The following GALNTL6 variants were observed in gnomAD, a reference collection of about 807,000 sequenced individuals.
GALNTL6 encodes the protein polypeptide N-acetylgalactosaminyltransferase-like 6.
GALNTL6 carries 46 observed loss-of-function variants against 73.7 expected under a neutral mutation model. The observed-to-expected ratio is 0.62, with a 90% CI of 0.49 to 0.80. GALNTL6 has a LOEUF of 0.80. Ranked by LOEUF, GALNTL6 falls within the 30% of genes least tolerant of loss-of-function variation. The pLI is 0.00. For missense variants in GALNTL6, 604 were observed against 755.0 expected (o/e 0.80, Z 2.34); for synonymous variants, 259 against 263.7 (o/e 0.98, Z 0.17).
intron 5 of GALNTL6, among the ~76,000 whole-genome samples, chr4:172,387,965 A>G (rs527653625): frequency 6.6e-6 from 1 of 152,134 alleles, no homozygotes; most frequent in South Asian, 2.1e-4. Flanking sequence ...CCACTCCACA[A>G]TCTAATACAA....
intron 8 of GALNTL6, among the ~76,000 whole-genome samples, chr4:172,895,930 G>A (rs970663471): frequency 2.6e-4 from 40 of 151,962 alleles, no homozygotes; most frequent in African/African-American, 9.4e-4. Flanking sequence ...TTCATTTCAT[G>A]CATTGTATTT....
intron 9 of GALNTL6, among the ~76,000 whole-genome samples, chr4:172,931,583 G>A (rs1347000700): frequency 6.6e-6 from 1 of 152,150 alleles, no homozygotes; most frequent in Non-Finnish European, 1.5e-5. Flanking sequence ...TCACATGAAT[G>A]CCAAATAGCA....
chr4:171,887,859 A>G (rs1052567523), intron 2 of GALNTL6, among the ~76,000 whole-genome samples: 1 of 152,180 alleles, frequency 6.6e-6, no homozygotes, highest in Non-Finnish European at 1.5e-5. Flanking sequence ...ATTGTCAAAC[A>G]AACAAACAAA....
intron 5 of GALNTL6, among the ~76,000 whole-genome samples, chr4:172,655,235 G>A (rs554430585): frequency 5.9e-5 from 9 of 152,178 alleles, no homozygotes; most frequent in Admixed American, 2.6e-4. Flanking sequence ...CATCCTGATA[G>A]GTTTCAGGTT....
intron 2 of GALNTL6, among the ~76,000 whole-genome samples, chr4:172,184,056 G>A (rs1036780910): frequency 1.3e-5 from 2 of 152,054 alleles, no homozygotes; most frequent in East Asian, 1.9e-4. Flanking sequence ...CTCCCAAAGT[G>A]TGGGATTACA....
At chr4:172,303,639 G>A (rs1451331609) in intron 3 of GALNTL6, among the ~76,000 whole-genome samples, 1 of 152,158 alleles carries the variant, frequency 6.6e-6, no homozygotes, top group Non-Finnish European at 1.5e-5. Flanking sequence ...TAGTGAAGCA[G>A]ATTAACATAT....
At chr4:172,272,850 A>G (rs1052416016) in intron 3 of GALNTL6, among the ~76,000 whole-genome samples, 5 of 152,172 alleles carry the variant, frequency 3.3e-5, no homozygotes, top group Admixed American at 3.3e-4. Context: ...TCCTGAGGTA[A>G]ATTTGCATAT....
At chr4:172,790,401 T>C (rs1277590412) in intron 5 of GALNTL6, among the ~76,000 whole-genome samples, 1 of 152,136 alleles carries the variant, frequency 6.6e-6, no homozygotes, top group Non-Finnish European at 1.5e-5. Context: ...CTAGAAATTT[T>C]TCTCTCTCTG....
intron 5 of GALNTL6, among the ~76,000 whole-genome samples, chr4:172,600,214 A>G (rs1738005636): frequency 6.6e-6 from 1 of 152,122 alleles, no homozygotes; most frequent in Non-Finnish European, 1.5e-5. Context: ...AACTAGCACC[A>G]TATTTGCCTT....
At chr4:172,881,469 C>T (rs945574904) in intron 7 of GALNTL6, among the ~76,000 whole-genome samples, 1 of 152,140 alleles carries the variant, frequency 6.6e-6, no homozygotes, top group Non-Finnish European at 1.5e-5. Flanking sequence ...CAAAACAATT[C>T]CTAGACTGAA....
At chr4:172,279,685 T>C (rs1043953106) in intron 3 of GALNTL6, among the ~76,000 whole-genome samples, 1 of 152,132 alleles carries the variant, frequency 6.6e-6, no homozygotes, top group South Asian at 2.1e-4. Context: ...AAATTAAAAA[T>C]AGAATGCAAT....
chr4:171,865,043 G>C (rs1735933812), intron 2 of GALNTL6, among the ~76,000 whole-genome samples: 1 of 151,892 alleles, frequency 6.6e-6, no homozygotes. Context: ...CTACTCAGAA[G>C]ACTGAGGCAG....
At chr4:172,037,256 A>T (rs1040182802) in intron 2 of GALNTL6, among the ~76,000 whole-genome samples, 27 of 152,256 alleles carry the variant, frequency 1.8e-4, no homozygotes, top group Admixed American at 6.5e-4. Context: ...TAGGATAATT[A>T]AAAAAATCAA....
intron 5 of GALNTL6, among the ~76,000 whole-genome samples, chr4:172,589,212 C>A (rs979683425): frequency 6.6e-6 from 1 of 152,096 alleles, no homozygotes; most frequent in Admixed American, 6.5e-5. Flanking sequence ...AAGAAAATGA[C>A]ACATTTCTTA....
chr4:172,602,391 C>T (rs78639453), intron 5 of GALNTL6, among the ~76,000 whole-genome samples: 4 of 151,802 alleles, frequency 2.6e-5, no homozygotes, highest in Non-Finnish European at 5.9e-5. Flanking sequence ...GGGTTTATTG[C>T]ATAATATGTA....
At chr4:172,010,528 A>G (rs964091461) in intron 2 of GALNTL6, among the ~76,000 whole-genome samples, 3 of 152,068 alleles carry the variant, frequency 2.0e-5, no homozygotes, top group African/African-American at 4.8e-5. Flanking sequence ...AAATGTTGTT[A>G]TATTTCCAAC....
At chr4:172,162,142 G>A (rs553547127) in intron 2 of GALNTL6, among the ~76,000 whole-genome samples, 2 of 151,802 alleles carry the variant, frequency 1.3e-5, no homozygotes. Flanking sequence ...GTAGTAAAAT[G>A]TATTATACTA....
chr4:172,526,209 A>G (rs1734947077), intron 5 of GALNTL6, among the ~76,000 whole-genome samples: 1 of 152,304 alleles, frequency 6.6e-6, no homozygotes, highest in South Asian at 2.1e-4. Context: ...GTATGGAACA[A>G]CTTTGAGTTG....
chr4:172,216,947 T>C (rs1736515584), intron 2 of GALNTL6, among the ~76,000 whole-genome samples: 1 of 152,142 alleles, frequency 6.6e-6, no homozygotes. Context: ...TTCCAGGCTA[T>C]AGGTAAATTT....
Sources: gnomAD v4.1 joint callset for allele counts (sites outside exome capture counted in the v4.1 genomes callset) on GRCh38, gnomAD v4.1.1 for gene constraint, MANE v1.5 for transcripts, NCBI Gene and HGNC (gene_info 2026-07-23, HGNC 2026-07-21) for gene names.